NR2C1: variants seen among roughly 807,000 people sequenced by gnomAD.
NR2C1 encodes TR2 nuclear hormone receptor.
NR2C1 carries 33 observed loss-of-function variants against 74.8 expected under a neutral mutation model. That is an observed-to-expected ratio of 0.44 (90% CI 0.33 to 0.59). The LOEUF is 0.59. NR2C1 is among the 20% of genes least tolerant of loss of function. NR2C1 has a pLI of 0.02. For missense variants in NR2C1, 568 were observed against 715.6 expected (o/e 0.79, Z 2.35); for synonymous variants, 225 against 240.6 (o/e 0.94, Z 0.60).
intron 2 of NR2C1, among the ~76,000 whole-genome samples, chr12:95,064,099 G>A (rs1875245470): frequency 6.6e-6 from 1 of 150,962 alleles, no homozygotes; most frequent in Non-Finnish European, 1.5e-5. Context: ...GGAGGCCGAG[G>A]CGGGCAACTC....
At chr12:95,046,743 T>C (rs1872368185) in intron 9 of NR2C1, among the ~76,000 whole-genome samples, 1 of 152,214 alleles carries the variant, frequency 6.6e-6, no homozygotes, top group African/African-American at 2.4e-5. Flanking sequence ...AGGACTGAGT[T>C]GTTTGATTAC....
At chr12:95,063,162 G>C (rs1875055828) in intron 2 of NR2C1, among the ~76,000 whole-genome samples, 1 of 152,192 alleles carries the variant, frequency 6.6e-6, no homozygotes, top group African/African-American at 2.4e-5. Flanking sequence ...AGAAAAACAA[G>C]GCAAGGTGAG....
intron 7 of NR2C1, among the ~76,000 whole-genome samples, chr12:95,055,635 G>A (rs945580381): frequency 4.6e-5 from 7 of 152,054 alleles, no homozygotes; most frequent in Non-Finnish European, 1.0e-4. Flanking sequence ...GCATAAACAG[G>A]ACAAATAATC....
chr12:95,037,800 C>G (rs1005516345), intron 10 of NR2C1, among the ~76,000 whole-genome samples: 5 of 147,670 alleles, frequency 3.4e-5, no homozygotes, highest in Non-Finnish European at 5.9e-5. Flanking sequence ...GAGGCTGAGG[C>G]AGGAGAATGG....
intron 2 of NR2C1, among the ~76,000 whole-genome samples, chr12:95,065,997 C>T (rs1875635739): frequency 6.6e-6 from 1 of 151,420 alleles, no homozygotes; most frequent in Non-Finnish European, 1.5e-5. Context: ...GTTGTGCTAT[C>T]AAATACTAGG....
At chr12:95,035,344 G>C (rs1870685076) in intron 10 of NR2C1, among the ~76,000 whole-genome samples, 1 of 151,916 alleles carries the variant, frequency 6.6e-6, no homozygotes, top group Admixed American at 6.6e-5. Context: ...AAAATTAAAA[G>C]CTAACATGAA....
At chr12:95,055,009 C>T (rs377627834) in intron 7 of NR2C1, among the ~76,000 whole-genome samples, 10 of 152,114 alleles carry the variant, frequency 6.6e-5, no homozygotes, top group Admixed American at 3.9e-4. Context: ...CATCTTGCAC[C>T]GCCCTTAATC....
intron 12 of NR2C1, chr12:95,028,014 G>A (rs994455568): frequency 8.0e-5 from 13 of 162,586 alleles, no homozygotes; most frequent in Admixed American, 1.2e-4. Context: ...GTTCATCTGT[G>A]TTGCAGTATG....
intron 11 of NR2C1, 93 bp from the exon 12 acceptor site, chr12:95,028,617 ATTTTTTAATTCTTAAATT>A (rs1869663733): frequency 6.2e-6 from 6 of 971,168 alleles, no homozygotes; most frequent in Non-Finnish European, 9.3e-6. Flanking sequence ...ATTTTGAAAA[ATTTTTTAATTCTTAAATT>A]TTTTTTGAGA....
At chr12:95,031,021 T>C (rs1031320979) in intron 11 of NR2C1, 2 of 716,732 alleles carry the variant, frequency 2.8e-6, no homozygotes, top group East Asian at 2.7e-5. Context: ...TAAAAATTGC[T>C]GAGTAGTATA....
At chr12:95,028,361 T>C (rs764808745) in intron 12 of NR2C1, 26 bp downstream of exon 12, 1 of 1,582,380 alleles carries the variant, frequency 6.3e-7, no homozygotes, top group Admixed American at 1.8e-5. Context: ...CATTTTATTT[T>C]GAATAAAAAG....
intron 7 of NR2C1, 98 bp from the exon 8 acceptor site, chr12:95,052,041 C>T (rs1024512854): frequency 4.0e-6 from 3 of 740,840 alleles, no homozygotes; most frequent in Non-Finnish European, 6.1e-6. Context: ...AACAAAAGAA[C>T]AGTATGATAA....
rs140688544 is a variant in NR2C1, at chr12:95,066,168, A to G, written c.54+1163T>C. Among the ~76,000 whole-genome samples, 312 of 152,266 alleles carry G rather than the reference A, an allele frequency of 2.0e-3. 1 individual carries two copies. Among genetic ancestry groups the G allele is most frequent in the African/African-American group, 6.9e-3 (287 of 41,550 alleles). ...CTAGTTTAACAGAAGTTGGAATCTC[A>G]TATCTGTTTCTTTATTTAATCTGTT... On this transcript the variant is annotated intron_variant, in intron 2 of 13. Coordinates refer to ENST00000333003, the MANE Select transcript of NR2C1 (RefSeq NM_003297.4).
At position 95,021,057 on chromosome 12, in the gene NR2C1, A is replaced by C. The variant is rs1868728657; in HGVS notation, c.*1172T>G. 1 of 152,182 alleles carries C rather than the reference A, an allele frequency of 6.6e-6. No individual in the cohort carries two copies. Among genetic ancestry groups the C allele is most frequent in the Non-Finnish European group, 1.5e-5 (1 of 68,022 alleles). The allele number at this position is 152,182 out of a possible 1,614,324, so 9.4% of individuals were successfully genotyped here. A position where few individuals can be genotyped will look rare whatever the true frequency, so the allele number is the denominator to read the frequency against. On this transcript the variant is annotated 3_prime_UTR_variant, in exon 14 of 14. Coordinates refer to ENST00000333003, the MANE Select transcript of NR2C1 (RefSeq NM_003297.4). Reference sequence around the variant, plus strand: ...TTTAGTGATCTAAAAGAAATTGGCTAAAACCCATACATGACAGGTTTGGGA... The same window carrying C: ...TTTAGTGATCTAAAAGAAATTGGCTCAAACCCATACATGACAGGTTTGGGA...
intron 3 of NR2C1, among the ~76,000 whole-genome samples, chr12:95,060,577 C>T (rs1251231802): frequency 6.6e-6 from 1 of 152,174 alleles, no homozygotes; most frequent in Non-Finnish European, 1.5e-5. Context: ...ATCGCTTGAA[C>T]CCAGGCGGCA....
chr12:95,046,300 A>G (rs997247322), intron 9 of NR2C1, among the ~76,000 whole-genome samples: 1 of 152,140 alleles, frequency 6.6e-6, no homozygotes, highest in African/African-American at 2.4e-5. Flanking sequence ...AAAAATTCTA[A>G]CCCTACCAGG....
In NR2C1 at chr12:95,021,817, A is replaced by G. The variant is rs2136083446; in HGVS notation, c.*412T>C. The G allele has an allele frequency of 6.5e-6, 1 of 153,394 alleles. No homozygotes were observed. Among genetic ancestry groups the G allele is most frequent in the South Asian group, 2.1e-4 (1 of 4,866 alleles). The allele number at this position is 153,394 out of a possible 1,614,324, so 9.5% of individuals were successfully genotyped here. A position where few individuals can be genotyped will look rare whatever the true frequency, so the allele number is the denominator to read the frequency against. On this transcript the variant is annotated 3_prime_UTR_variant, in exon 14 of 14. Transcript: ENST00000333003. Reference sequence around the variant, plus strand: ...ATTATGGCAGAGTAAAATGCAAGGAACTAACTCCTTAGGGATTTCTGACCA... The same window carrying G: ...ATTATGGCAGAGTAAAATGCAAGGAGCTAACTCCTTAGGGATTTCTGACCA...
intron 12 of NR2C1, among the ~76,000 whole-genome samples, chr12:95,027,147 C>T (rs1429216014): frequency 6.6e-6 from 1 of 152,140 alleles, no homozygotes; most frequent in Non-Finnish European, 1.5e-5. Flanking sequence ...CTCAAATTCT[C>T]GGGCTGAAGT....
At position 95,062,554 on chromosome 12, in the gene NR2C1, T is replaced by G; in HGVS notation, c.239A>C (p.Asn80Thr). The G allele has an allele frequency of 6.2e-7, 1 of 1,613,194 alleles. No homozygotes were observed. Among genetic ancestry groups the G allele is most frequent in the Non-Finnish European group, 8.5e-7 (1 of 1,179,450 alleles). ...ATCAGGAGTGGTAAAAAATAACTGGTTGACACCTGCTGCATCTGGAGTTGT... is the reference window on the plus strand; with the variant it reads ...ATCAGGAGTGGTAAAAAATAACTGGGTGACACCTGCTGCATCTGGAGTTGT... Reference protein sequence around the residue: ...FLTTPDAAGVNQLFFTTPDLS... With the variant: ...FLTTPDAAGVTQLFFTTPDLS... Residue 80 changes from asparagine (N) to threonine (T), a missense_variant, in exon 3 of 14, where the codon AAC becomes ACC. Transcript: ENST00000333003.
Sources: gnomAD v4.1 joint callset for allele counts (sites outside exome capture counted in the v4.1 genomes callset) on GRCh38, gnomAD v4.1.1 for gene constraint, MANE v1.5 for transcripts, NCBI Gene and HGNC (gene_info 2026-07-23, HGNC 2026-07-21) for gene names.